Variants in RIMS1 observed in about 807,000 individuals in gnomAD.
The protein encoded by RIMS1 is regulating synaptic membrane exocytosis protein 1.
In RIMS1, 83 loss-of-function variants were observed where a neutral mutation model predicts 214.1. The ratio of observed to expected loss-of-function variants is 0.39; its 90% CI spans 0.32 to 0.47. The LOEUF (loss-of-function observed/expected upper bound fraction) is 0.47, where lower values mean the gene tolerates loss of function less well. RIMS1 is among the 20% of genes least tolerant of loss of function. The pLI is 0.99. For missense variants in RIMS1, 2,050 were observed against 2,161.8 expected (o/e 0.95, Z 1.03); for synonymous variants, 793 against 786.8 (o/e 1.01, Z -0.13).
chr6:72,045,158 A>C (rs1277841841), intron 2 of RIMS1, among the ~76,000 whole-genome samples: 1 of 151,996 alleles, frequency 6.6e-6, no homozygotes, highest in African/African-American at 2.4e-5. Flanking sequence ...AAAAATGATA[A>C]GGTCAGAAAA....
At position 72,401,656 on chromosome 6, in the gene RIMS1, C is replaced by T. The variant is rs2098836036; in HGVS notation, c.*942C>T. The T allele has an allele frequency of 1.3e-5, 2 of 152,604 alleles. No individual in the cohort carries two copies. The highest frequency in any genetic ancestry group is 4.1e-4 in the South Asian group (2 of 4,828). 9.5% of individuals were successfully genotyped at this position (152,604 alleles called of 1,614,324 possible). A position where few individuals can be genotyped will look rare whatever the true frequency, so the allele number is the denominator to read the frequency against. ...TTCTTCCTGATATTAAAAAAATGCT[C>T]ATGTGTATAAACCATACTTTGACTT... On this transcript the variant is annotated 3_prime_UTR_variant, in exon 34 of 34. Coordinates refer to ENST00000521978, the MANE Select transcript of RIMS1 (RefSeq NM_014989.7).
chr6:72,027,119 C>G, intron 2 of RIMS1, among the ~76,000 whole-genome samples: 1 of 152,228 alleles, frequency 6.6e-6, no homozygotes, highest in Middle Eastern at 3.4e-3. Context: ...ACAGGCAAGA[C>G]TTTTTTTATT....
At chr6:72,166,434 A>G (rs1221805888) in intron 4 of RIMS1, among the ~76,000 whole-genome samples, 1 of 152,144 alleles carries the variant, frequency 6.6e-6, no homozygotes, top group East Asian at 1.9e-4. Context: ...GCTTCAACAT[A>G]CAAATTTTGT....
At position 72,371,328 on chromosome 6, in the gene RIMS1, C is replaced by T. The variant is rs534187515; in HGVS notation, c.4367-19270C>T. On this transcript the variant is annotated intron_variant, in intron 29 of 33. Coordinates refer to ENST00000521978, the MANE Select transcript of RIMS1 (RefSeq NM_014989.7). ...TCAAAATATGTCTTTGAAAAAAATT[C>T]GTGGATTATTACTCTGGTAAAATAA... Among the ~76,000 whole-genome samples, 9 of 152,230 alleles carry T rather than the reference C, an allele frequency of 5.9e-5. No homozygotes were observed. In the South Asian group the frequency reaches 8.3e-4, roughly 14 times the overall value.
At position 72,260,755 on chromosome 6, in the gene RIMS1, T is replaced by C. The variant is rs2077604325; in HGVS notation, c.3104T>C (p.Leu1035Pro). 6.2e-7 allele frequency: 1 copy of C among 1,612,274 alleles called. No individual in the cohort carries two copies. The highest frequency in any genetic ancestry group is 8.5e-7 in the Non-Finnish European group (1 of 1,178,826). The change falls in exon 19 of 34, where the codon CTA becomes CCA. Residue 1035 changes from leucine to proline, a missense_variant. Physicochemically the swap from Leu to Pro is moderately conservative, Grantham distance 98. This residue lies in a region of RIMS1 where 889 missense variants were observed against 885.5 expected (regional missense o/e 1.00). Coordinates refer to ENST00000521978, the MANE Select transcript of RIMS1 (RefSeq NM_014989.7). Reference sequence around the variant, plus strand: ...AAACGAGGACGAAGTGCAGAATGCCTACATACTACCAGGTAAATACAGGGA... The same window carrying C: ...AAACGAGGACGAAGTGCAGAATGCCCACATACTACCAGGTAAATACAGGGA... The part of the protein sequence containing the change: ...RAKRGRSAEC[L>P]HTTRHLVRHY...
chr6:72,050,214 C>A (rs937800637), intron 2 of RIMS1, among the ~76,000 whole-genome samples: 2 of 152,108 alleles, frequency 1.3e-5, no homozygotes, highest in African/African-American at 4.8e-5. Flanking sequence ...ATTGTAATAT[C>A]TATTTTTTTA....
At chr6:72,357,222 G>T (rs1172583647) in intron 29 of RIMS1, among the ~76,000 whole-genome samples, 1 of 152,194 alleles carries the variant, frequency 6.6e-6, no homozygotes, top group African/African-American at 2.4e-5. Flanking sequence ...GGGTGGCTTT[G>T]ATGTTTAATC....
chr6:72,283,881 C>CATTTT (rs2091319228), intron 23 of RIMS1, among the ~76,000 whole-genome samples, 166 bp from the exon 24 acceptor site: 1 of 151,580 alleles, frequency 6.6e-6, no homozygotes, highest in African/African-American at 2.4e-5. Context: ...TCATTTTATT[C>CATTTT]ATTCATTCAT....
At position 72,274,397 on chromosome 6, in the gene RIMS1, G is replaced by A. The variant is rs758314899; in HGVS notation, c.3447G>A (p.Arg1149=). ...ATAGGAGACGACCTCCTAGTCCCAGGATTCAAATCCAGCATGCGTCTCCGG... is the reference window on the plus strand; with the variant it reads ...ATAGGAGACGACCTCCTAGTCCCAGAATTCAAATCCAGCATGCGTCTCCGG... ...SLDRRRPPSP[R]IQIQHASPEN... is the part of the protein sequence containing the mutation. Residue 1149 remains arginine (R), a synonymous_variant, in exon 23 of 34, where the codon AGG becomes AGA. Transcript: ENST00000521978. 6.2e-7 allele frequency: 1 copy of A among 1,613,234 alleles called. No individual in the cohort carries two copies.
At chr6:71,983,053 A>G (rs1210021431) in intron 2 of RIMS1, among the ~76,000 whole-genome samples, 2 of 152,096 alleles carry the variant, frequency 1.3e-5, no homozygotes, top group East Asian at 3.9e-4. Flanking sequence ...TTTTTCCACC[A>G]ATGATAATCC....
chr6:72,020,892 C>A (rs754995614), intron 2 of RIMS1, among the ~76,000 whole-genome samples: 1 of 152,028 alleles, frequency 6.6e-6, no homozygotes, highest in African/African-American at 2.4e-5. Flanking sequence ...GAAACTAAAC[C>A]CTGTTAGAAT....
chr6:72,224,976 G>A (rs748114360), intron 6 of RIMS1, among the ~76,000 whole-genome samples: 9 of 152,262 alleles, frequency 5.9e-5, no homozygotes, highest in Non-Finnish European at 7.4e-5. Flanking sequence ...AAAATAAAAT[G>A]TTCTCCAAAC....
intron 4 of RIMS1, among the ~76,000 whole-genome samples, chr6:72,157,964 A>G (rs972365602): frequency 2.8e-5 from 4 of 140,502 alleles, no homozygotes; most frequent in African/African-American, 9.8e-5. Flanking sequence ...ATTTACCACA[A>G]TATAAGAACC....
intron 4 of RIMS1, chr6:72,126,549 T>C (rs977343350): frequency 6.0e-6 from 1 of 165,762 alleles, no homozygotes; most frequent in African/African-American, 2.4e-5. Context: ...ATCCTAAATC[T>C]ACAAGGAACT....
intron 24 of RIMS1, among the ~76,000 whole-genome samples, chr6:72,289,330 G>A (rs2092951355): frequency 6.6e-6 from 1 of 152,138 alleles, no homozygotes; most frequent in Non-Finnish European, 1.5e-5. Context: ...GAAAGGACTT[G>A]ATCATTTACT....
intron 2 of RIMS1, among the ~76,000 whole-genome samples, chr6:72,003,522 C>A (rs532044): frequency 0.99 from 150,856 of 152,204 alleles, 74,767 homozygotes; most frequent in East Asian, 1. Flanking sequence ...TCAGCTTACT[C>A]AAGTTAACAG....
intron 4 of RIMS1, among the ~76,000 whole-genome samples, chr6:72,131,833 A>G (rs1212288619): frequency 6.6e-6 from 1 of 152,024 alleles, no homozygotes; most frequent in Non-Finnish European, 1.5e-5. Context: ...ATAAAAGATG[A>G]CCACACCCAA....
chr6:72,392,669 T>A, intron 30 of RIMS1, 29 bp from the exon 31 acceptor site: 1 of 1,482,336 alleles, frequency 6.7e-7, no homozygotes, highest in African/African-American at 1.4e-5. Context: ...ATGGGTTTTT[T>A]CCTTTGGTTT....
At chr6:72,382,626 T>G (rs1163847849) in intron 29 of RIMS1, among the ~76,000 whole-genome samples, 1 of 152,190 alleles carries the variant, frequency 6.6e-6, no homozygotes, top group Non-Finnish European at 1.5e-5. Context: ...CTGTGCACCC[T>G]GAGGGCCTTA....
Sources: allele counts gnomAD v4.1 joint callset (sites outside exome capture counted in the v4.1 genomes callset), GRCh38; gene constraint gnomAD v4.1.1; regional missense constraint gnomAD v4.1.1; transcripts MANE v1.5; gene names NCBI Gene and HGNC (gene_info 2026-07-23, HGNC 2026-07-21).